The following PALLD variants were observed in gnomAD, a reference collection of about 807,000 sequenced individuals.
The protein encoded by PALLD is palladin.
Under a neutral mutation model 123.5 loss-of-function variants are expected in PALLD, and 61 were observed. The observed-to-expected ratio is 0.49, with a 90% CI of 0.40 to 0.61. The LOEUF (loss-of-function observed/expected upper bound fraction) is 0.61, where lower values mean the gene tolerates loss of function less well. Ranked by LOEUF, PALLD falls within the 20% of genes least tolerant of loss-of-function variation. The pLI, the probability that PALLD is intolerant of heterozygous loss-of-function variation, is 0.00. For synonymous variants in PALLD, 465 were observed against 496.4 expected (o/e 0.94, Z 0.84); for missense variants, 1,273 against 1,377.0 (o/e 0.92, Z 1.20).
chr4:168,598,672 TG>T, intron 2 of PALLD: 1 of 346,880 alleles, frequency 2.9e-6, no homozygotes, highest in East Asian at 9.2e-5. Context: ...TTCTGTCATC[TG>T]CTGTAACTCT....
intron 8 of PALLD, among the ~76,000 whole-genome samples, chr4:168,698,455 C>T (rs1783363971): frequency 6.6e-6 from 1 of 152,078 alleles, no homozygotes; most frequent in Admixed American, 6.5e-5. Flanking sequence ...GATTATTTCA[C>T]ACTGCATGCC....
intron 10 of PALLD, among the ~76,000 whole-genome samples, chr4:168,714,994 C>A (rs1400594304): frequency 6.6e-6 from 1 of 152,120 alleles, no homozygotes; most frequent in South Asian, 2.1e-4. Flanking sequence ...GCCCAGCCCC[C>A]ACCCTGTACT....
chr4:168,588,088 G>C (rs1771025651), intron 2 of PALLD, among the ~76,000 whole-genome samples: 2 of 152,122 alleles, frequency 1.3e-5, no homozygotes, highest in Admixed American at 1.3e-4. Flanking sequence ...GATGGGGCCT[G>C]GGAATGTCTG....
chr4:168,877,822 G>T (rs939205106), intron 10 of PALLD: 33 of 1,287,458 alleles, frequency 2.6e-5, no homozygotes, highest in Non-Finnish European at 3.2e-5. Flanking sequence ...CGCCGCCCTC[G>T]CCCCCCTTCC....
chr4:168,882,154 T>A (rs1752693965), intron 10 of PALLD, among the ~76,000 whole-genome samples: 1 of 152,240 alleles, frequency 6.6e-6, no homozygotes, highest in African/African-American at 2.4e-5. Flanking sequence ...TTTATACAGA[T>A]GTATTAATGA....
intron 10 of PALLD, among the ~76,000 whole-genome samples, chr4:168,808,251 T>G (rs1026784988): frequency 6.6e-6 from 1 of 151,114 alleles, no homozygotes; most frequent in Non-Finnish European, 1.5e-5. Flanking sequence ...GAGGCTGAGG[T>G]GGGCGGATCA....
At position 168,664,183 on chromosome 4, in the gene PALLD, C is replaced by T. The variant is rs147513281; in HGVS notation, c.909-4007C>T. On this transcript the variant is annotated intron_variant, in intron 2 of 21. Coordinates refer to ENST00000505667, the MANE Select transcript of PALLD (RefSeq NM_001166108.2). ...TCTCATTGAGTACCTGCTAACAACC[C>T]GTGAATATGTTGCAGAATGCTTTTC... Among the ~76,000 whole-genome samples the T allele has an allele frequency of 9.2e-5, 14 of 152,186 alleles. No homozygotes were observed. The East Asian group carries it at 1.5e-3, about 17-fold the overall frequency.
intron 2 of PALLD, among the ~76,000 whole-genome samples, chr4:168,546,971 T>A (rs1268216070): frequency 2.0e-5 from 3 of 152,228 alleles, no homozygotes; most frequent in Non-Finnish European, 1.5e-5. Flanking sequence ...ATAATTTTTT[T>A]AAAGTAATCT....
At chr4:168,596,365 A>C (rs1771975617) in intron 2 of PALLD, among the ~76,000 whole-genome samples, 2 of 152,176 alleles carry the variant, frequency 1.3e-5, no homozygotes, top group Non-Finnish European at 2.9e-5. Flanking sequence ...ATGAAGCAGC[A>C]TTTAAAGTGG....
At chr4:168,872,715 T>C (rs931233846) in intron 10 of PALLD, among the ~76,000 whole-genome samples, 2 of 147,798 alleles carry the variant, frequency 1.4e-5, no homozygotes, top group Non-Finnish European at 3.0e-5. Context: ...AAGATTGGGA[T>C]TTATATACCT....
chr4:168,926,173 A>C (rs920940686), intron 21 of PALLD, 40 bp from the exon 22 acceptor site: 4 of 1,450,232 alleles, frequency 2.8e-6, no homozygotes, highest in Non-Finnish European at 3.7e-6. Flanking sequence ...TTCCAAGTAT[A>C]TCTTGATTAA....
intron 15 of PALLD, among the ~76,000 whole-genome samples, chr4:168,911,812 T>C (rs1759016712): frequency 6.6e-6 from 1 of 152,198 alleles, no homozygotes. Flanking sequence ...CATGTCTCCT[T>C]GGAAATTTTC....
chr4:168,747,667 G>T (rs1184220633), intron 10 of PALLD, among the ~76,000 whole-genome samples: 2 of 152,186 alleles, frequency 1.3e-5, no homozygotes, highest in Non-Finnish European at 2.9e-5. Flanking sequence ...GGACCTGCCA[G>T]TCACCTTGTC....
At chr4:168,734,897 A>G (rs944306511) in intron 10 of PALLD, among the ~76,000 whole-genome samples, 3 of 151,946 alleles carry the variant, frequency 2.0e-5, no homozygotes, top group African/African-American at 7.3e-5. Context: ...GCACTCTAGC[A>G]TGGGCCACAG....
At chr4:168,679,290 T>C (rs1580920461) in intron 3 of PALLD, among the ~76,000 whole-genome samples, 6 of 44,622 alleles carry the variant, frequency 1.3e-4, no homozygotes, top group South Asian at 9.7e-4. Context: ...TGAGTATGGA[T>C]GTGTGTGGGG....
intron 10 of PALLD, among the ~76,000 whole-genome samples, chr4:168,774,356 AAGAG>A (rs1365918870): frequency 1.3e-5 from 2 of 152,152 alleles, no homozygotes; most frequent in African/African-American, 4.8e-5. Context: ...ATATATAAGA[AAGAG>A]CACATATTTA....
At chr4:168,687,185 C>T (rs547201519) in intron 6 of PALLD, among the ~76,000 whole-genome samples, 463 of 152,142 alleles carry the variant, frequency 3.0e-3, no homozygotes, top group Non-Finnish European at 4.6e-3. Flanking sequence ...TTTTTCCCTT[C>T]AGCTGGTTGA....
At chr4:168,500,250 ATGTATATTCCT>A (rs1761257635) in intron 1 of PALLD, among the ~76,000 whole-genome samples, 1 of 152,140 alleles carries the variant, frequency 6.6e-6, no homozygotes, top group Non-Finnish European at 1.5e-5. Flanking sequence ...GCTCTTTCTC[ATGTATATTCCT>A]TGTCTTCCCC....
intron 2 of PALLD, among the ~76,000 whole-genome samples, chr4:168,644,174 C>T (rs891397798): frequency 6.6e-6 from 1 of 151,508 alleles, no homozygotes; most frequent in African/African-American, 2.4e-5. Flanking sequence ...CTGCAACCTC[C>T]ACCTCCCGGG....
Sources: allele counts gnomAD v4.1 joint callset (sites outside exome capture counted in the v4.1 genomes callset), GRCh38; gene constraint gnomAD v4.1.1; transcripts MANE v1.5; gene names NCBI Gene and HGNC (gene_info 2026-07-23, HGNC 2026-07-21).